The following TAB3 variants were observed in gnomAD, a reference collection of about 807,000 sequenced individuals.
TAB3 encodes the protein TGF-beta-activated kinase 1 and MAP3K7-binding protein 3.
In TAB3, 18 loss-of-function variants were observed where a neutral mutation model predicts 48.1. That is an observed-to-expected ratio of 0.37 (90% CI 0.26 to 0.55). The LOEUF is 0.55. TAB3 is among the 20% of genes least tolerant of loss of function. The pLI is 0.78. For synonymous variants in TAB3, 185 were observed against 190.2 expected, an observed-to-expected ratio of 0.97 and a Z score of 0.22; for missense variants, 414 against 549.8, an observed-to-expected ratio of 0.75 and a Z score of 2.47.
Position 30,828,592 on chromosome X carries a change from T to G in TAB3, c.*2835A>C, listed in dbSNP as rs765168807. The G allele has an allele frequency of 8.9e-6, 1 of 112,709 alleles. No homozygotes were observed. Among genetic ancestry groups the G allele is most frequent in the Non-Finnish European group, 1.9e-5 (1 of 53,467 alleles). 9.3% of individuals were successfully genotyped at this position (112,709 alleles called of 1,213,427 possible). ...AAACTTTTAAAAACTACTCCAAAAT[T>G]TAAGGGGCAATGTACTTTAACAAAA... On this transcript the variant is annotated 3_prime_UTR_variant, in exon 11 of 11. Transcript: ENST00000288422.
chrX:30,852,660 C>T, intron 7 of TAB3, 118 bp downstream of exon 7: 1 of 799,731 alleles, frequency 1.3e-6, no homozygotes. Flanking sequence ...AAAAAAGCAA[C>T]AATAACAACA....
At chrX:30,868,584 T>G (rs181746802) in intron 2 of TAB3, among the ~76,000 whole-genome samples, 1,105 of 10,681 alleles carry the variant, frequency 0.1, 255 homozygotes, top group Admixed American at 0.28. Flanking sequence ...TATATATATA[T>G]ATAGAGAGAG....
intron 1 of TAB3, among the ~76,000 whole-genome samples, chrX:30,874,380 AATT>A (rs1200331247): frequency 8.9e-6 from 1 of 112,163 alleles, no homozygotes; most frequent in Non-Finnish European, 1.9e-5. Context: ...TGGGGAGTGA[AATT>A]ATGTCTTGGC....
chrX:30,867,916 A>C (rs745832148), intron 2 of TAB3, among the ~76,000 whole-genome samples: 1 of 107,332 alleles, frequency 9.3e-6, no homozygotes, highest in African/African-American at 3.4e-5. Context: ...GCATGCATAT[A>C]ATTTTTTTTT....
intron 2 of TAB3, among the ~76,000 whole-genome samples, chrX:30,870,182 T>G (rs774934008): frequency 8.9e-6 from 1 of 112,398 alleles, no homozygotes; most frequent in African/African-American, 3.2e-5. Flanking sequence ...CTGTGTGATT[T>G]CTCTCAAGTG....
intron 1 of TAB3, among the ~76,000 whole-genome samples, chrX:30,883,673 A>G (rs1048024511): frequency 3.6e-5 from 4 of 112,385 alleles, no homozygotes; most frequent in African/African-American, 1.3e-4. Context: ...CCCTACTGCC[A>G]TATCTGCAAG....
chrX:30,832,863 CTCA>C (rs1263401681), intron 10 of TAB3, among the ~76,000 whole-genome samples: 1 of 111,855 alleles, frequency 8.9e-6, no homozygotes, highest in African/African-American at 3.3e-5. Flanking sequence ...TGTCTTTTGG[CTCA>C]TGACTCCAAA....
chrX:30,854,665 G>C lies in TAB3; in HGVS notation c.1000C>G (p.Gln334Glu). ...TTCTGATAGCTAGGAGGTCCTTGTT[G>C]ATATGGATGGGGTGGAGTAGTTGAA... ...SPSTTPPHPY[Q>E]QGPPSYQKQG... is the part of the protein sequence containing the mutation. Residue 334 changes from glutamine to glutamate, a missense_variant, in exon 6 of 11, where the codon CAA (glutamine) becomes GAA (glutamate). Transcript: ENST00000288422. 1 of 1,211,442 alleles carries C rather than the reference G, an allele frequency of 8.3e-7. No homozygotes were observed. The highest frequency in any genetic ancestry group is 1.8e-5 in the South Asian group (1 of 56,980).
intron 6 of TAB3, among the ~76,000 whole-genome samples, chrX:30,853,814 GCAGGCATGCGCCACCACACC>G (rs1197300568): frequency 9.0e-6 from 1 of 111,480 alleles, no homozygotes. Context: ...AGCTGGGATT[GCAGGCATGCGCCACCACACC>G]CAGCTAAGTT....
chrX:30,885,331 A>G (rs1779913326), intron 1 of TAB3, among the ~76,000 whole-genome samples: 2 of 112,580 alleles, frequency 1.8e-5, no homozygotes, highest in Admixed American at 9.4e-5. Flanking sequence ...AAAAGGTTAC[A>G]GAAGTATAAC....
At position 30,833,830 on chromosome X, in the gene TAB3, CAAAAAAAAAAAA is replaced by C. The variant is rs11316848; in HGVS notation, c.1990+209_1990+220del. Among the ~76,000 whole-genome samples the C allele has an allele frequency of 1.7e-3, 87 of 51,608 alleles. 1 individual carries two copies. The highest frequency in any genetic ancestry group is 6.2e-3 in the African/African-American group (84 of 13,455). 44.8% of individuals were successfully genotyped at this position (51,608 alleles called of 115,157 possible). On this transcript the variant is annotated intron_variant, in intron 10 of 10. Transcript: ENST00000288422. ...TGGCCTAAAGAGCGAGACTCCGTCT[CAAAAAAAAAAAA>C]AAAAAAAAAAATTAATTTCATCTTT...
intron 9 of TAB3, chrX:30,836,089 G>A (rs945526359): frequency 1.1e-4 from 12 of 112,030 alleles, no homozygotes; most frequent in Admixed American, 7.6e-4. Flanking sequence ...ATTTTATGGA[G>A]AAAACTGAAT....
rs1233726870 is a variant in TAB3 at position 30,827,722 on chromosome X, C to T, written c.*3705G>A. 8.9e-6 allele frequency: 1 copy of T among 112,041 alleles called. No homozygotes were observed. The highest frequency in any genetic ancestry group is 1.9e-5 in the Non-Finnish European group (1 of 53,125). The allele number at this position is 112,041 out of a possible 1,213,427, so 9.2% of individuals were successfully genotyped here. A position where few individuals can be genotyped will look rare whatever the true frequency, so the allele number is the denominator to read the frequency against. ...TAAATAATTCAGAATTGTTCAGTCT[C>T]AAAGTAACTTTTCATGGCTTTAGAA... On this transcript the variant is annotated 3_prime_UTR_variant, in exon 11 of 11. Coordinates refer to ENST00000288422, the MANE Select transcript of TAB3 (RefSeq NM_152787.5).
At position 30,838,830 on chromosome X, in the gene TAB3, A is replaced by G. The variant is rs938575816; in HGVS notation, c.1888+4136T>C. 4.5e-5 allele frequency among the ~76,000 whole-genome samples: 5 copies of G among 112,224 alleles called. No homozygotes were observed. In the Admixed American group the frequency reaches 4.7e-4, roughly 11 times the overall value. On this transcript the variant is annotated intron_variant, in intron 9 of 10. Transcript: ENST00000288422. ...TTTTCCAAGTGTTTACTGATATTGTAAAAACATGTTTATATATTGACTTTG... is the reference window on the plus strand; with the variant it reads ...TTTTCCAAGTGTTTACTGATATTGTGAAAACATGTTTATATATTGACTTTG...
intron 2 of TAB3, among the ~76,000 whole-genome samples, chrX:30,868,231 A>G (rs767765134): frequency 1.0e-5 from 1 of 95,376 alleles, no homozygotes; most frequent in South Asian, 5.1e-4. Context: ...CAAAGTGTGT[A>G]TAACTTTTTG....
chrX:30,851,022 G>C (rs1938826809), intron 7 of TAB3, among the ~76,000 whole-genome samples: 1 of 111,771 alleles, frequency 8.9e-6, no homozygotes, highest in Non-Finnish European at 1.9e-5. Flanking sequence ...TATGGGTTAT[G>C]TCCTTCAATA....
intron 1 of TAB3, among the ~76,000 whole-genome samples, chrX:30,882,194 G>A (rs1417747464): frequency 9.0e-6 from 1 of 111,103 alleles, no homozygotes; most frequent in Admixed American, 9.6e-5. Context: ...GCCACAAATC[G>A]AAACCAAGGA....
chrX:30,876,827 G>A (rs1026637601), intron 1 of TAB3, among the ~76,000 whole-genome samples: 17 of 111,661 alleles, frequency 1.5e-4, no homozygotes, highest in African/African-American at 4.9e-4. Context: ...AATAGACACC[G>A]TTGAGACAGT....
rs778828455 is a variant in TAB3 at position 30,854,571 on chromosome X, T to C, written c.1094A>G (p.Lys365Arg). 14 of 1,211,538 alleles carry C rather than the reference T, an allele frequency of 1.2e-5. No individual in the cohort carries two copies. The South Asian group carries it at 2.5e-4, about 21-fold the overall frequency. ...AGAAGGTTCAACTGTAATTTCTATC[T>C]TCTTCATGGAACCTTTGGATAAACT... ...ASSLSKGSMK[K>R]IEITVEPSQR... The change falls in exon 6 of 11, where the codon AAG becomes AGG. Residue 365 changes from lysine to arginine, a missense_variant. Transcript: ENST00000288422.
Sources: allele counts gnomAD v4.1 joint callset (sites outside exome capture counted in the v4.1 genomes callset), GRCh38; gene constraint gnomAD v4.1.1; transcripts MANE v1.5; gene names NCBI Gene and HGNC (gene_info 2026-07-23, HGNC 2026-07-21).